Variants in TTC28 observed in about 807,000 individuals in gnomAD.
TTC28 encodes the protein tetratricopeptide repeat protein 28.
Under a neutral mutation model 198.0 loss-of-function variants are expected in TTC28, and 61 were observed. The ratio of observed to expected loss-of-function variants is 0.31; its 90% CI spans 0.25 to 0.38. The LOEUF (loss-of-function observed/expected upper bound fraction) is 0.38, where lower values mean the gene tolerates loss of function less well. Among genes scored for constraint, TTC28 ranks in the 10% least tolerant of loss-of-function variants. The pLI, the probability that TTC28 is intolerant of heterozygous loss-of-function variation, is 1.00. For synonymous variants in TTC28, 1,171 were observed against 1,297.8 expected, an observed-to-expected ratio of 0.90 and a Z score of 2.10; for missense variants, 2,678 against 3,164.0, an observed-to-expected ratio of 0.85 and a Z score of 3.69.
chr22:28,343,431 G>C (rs1489028349), intron 2 of TTC28, among the ~76,000 whole-genome samples: 1 of 151,600 alleles, frequency 6.6e-6, no homozygotes, highest in Non-Finnish European at 1.5e-5. Context: ...TTGGGAGGCT[G>C]AGACAGGAGA....
chr22:28,366,675 T>C (rs1416364904), intron 2 of TTC28, among the ~76,000 whole-genome samples: 1 of 152,030 alleles, frequency 6.6e-6, no homozygotes, highest in Non-Finnish European at 1.5e-5. Context: ...CAAGATGCAA[T>C]GATCTCTTGC....
chr22:28,290,908 C>CACAT (rs749526682), intron 5 of TTC28, among the ~76,000 whole-genome samples: 6 of 151,940 alleles, frequency 3.9e-5, no homozygotes, highest in Non-Finnish European at 8.8e-5. Context: ...TCTCAAAACA[C>CACAT]ACATACACAC....
At chr22:28,271,027 A>G (rs190625316) in intron 5 of TTC28, among the ~76,000 whole-genome samples, 19 of 152,276 alleles carry the variant, frequency 1.2e-4, no homozygotes, top group Non-Finnish European at 2.4e-4. Flanking sequence ...AGAAGCTATC[A>G]ATTTGACTGA....
intron 2 of TTC28, among the ~76,000 whole-genome samples, chr22:28,339,950 G>T (rs1381192539): frequency 6.6e-6 from 1 of 152,158 alleles, no homozygotes; most frequent in Non-Finnish European, 1.5e-5. Flanking sequence ...ACCTCAGTTG[G>T]AAATGCAGAA....
intron 5 of TTC28, among the ~76,000 whole-genome samples, chr22:28,251,068 A>C (rs1315583993): frequency 6.6e-6 from 1 of 152,230 alleles, no homozygotes; most frequent in East Asian, 1.9e-4. Flanking sequence ...CTTCTGACTC[A>C]ATGATCACAG....
intron 13 of TTC28, among the ~76,000 whole-genome samples, 192 bp downstream of exon 13, chr22:28,030,034 G>C (rs2073028): frequency 0.21 from 31,506 of 152,254 alleles, 3,839 homozygotes; most frequent in African/African-American, 0.35. Context: ...TTTCTCGCTT[G>C]AGCTGGAGAT....
intron 6 of TTC28, among the ~76,000 whole-genome samples, chr22:28,122,067 C>T (rs746650857): frequency 1.3e-5 from 2 of 152,136 alleles, no homozygotes; most frequent in East Asian, 3.9e-4. Flanking sequence ...AGGGTTTTAC[C>T]CTGTTGGCCA....
chr22:28,438,434 A>G (rs925686389), intron 2 of TTC28, among the ~76,000 whole-genome samples: 3 of 152,234 alleles, frequency 2.0e-5, no homozygotes, highest in Admixed American at 1.3e-4. Flanking sequence ...ATCATTTGAG[A>G]GCCAGATTCA....
chr22:28,373,271 T>G (rs2046363778), intron 2 of TTC28, among the ~76,000 whole-genome samples: 1 of 150,586 alleles, frequency 6.6e-6, no homozygotes, highest in African/African-American at 2.4e-5. Context: ...AAAAAAAGCC[T>G]GGAGTTTGGC....
chr22:28,052,340 C>A (rs1329545667), intron 12 of TTC28, among the ~76,000 whole-genome samples: 1 of 152,090 alleles, frequency 6.6e-6, no homozygotes, highest in African/African-American at 2.4e-5. Flanking sequence ...TCACAATGAC[C>A]CATCAAGGTA....
chr22:28,461,556 C>T (rs1259263703), intron 2 of TTC28, among the ~76,000 whole-genome samples: 1 of 152,142 alleles, frequency 6.6e-6, no homozygotes, highest in East Asian at 1.9e-4. Flanking sequence ...CCTGCCTCAG[C>T]CTCCCAAGTA....
chr22:28,628,914 AAAAAAGG>A (rs1012630286), intron 2 of TTC28, among the ~76,000 whole-genome samples: 17 of 152,222 alleles, frequency 1.1e-4, no homozygotes, highest in East Asian at 1.9e-4. Context: ...TCTCAGAAAG[AAAAAAGG>A]AAAAAGGAAA....
At chr22:28,596,872 C>T (rs769564208) in intron 2 of TTC28, among the ~76,000 whole-genome samples, 1 of 152,144 alleles carries the variant, frequency 6.6e-6, no homozygotes, top group Non-Finnish European at 1.5e-5. Context: ...TAAATCTCTT[C>T]CTCTTACCAA....
At chr22:28,433,375 C>G (rs555565224) in intron 2 of TTC28, among the ~76,000 whole-genome samples, 13 of 152,146 alleles carry the variant, frequency 8.5e-5, no homozygotes, top group African/African-American at 3.1e-4. Flanking sequence ...GGCCCTCCCC[C>G]TTAAAGTACC....
chr22:28,280,390 G>A (rs1008316550), intron 5 of TTC28, among the ~76,000 whole-genome samples: 2 of 151,838 alleles, frequency 1.3e-5, no homozygotes, highest in African/African-American at 4.8e-5. Context: ...GCAATGGCGC[G>A]ACCTCGGCTC....
chr22:28,359,836 G>A (rs1416784271), intron 2 of TTC28, among the ~76,000 whole-genome samples: 1 of 152,110 alleles, frequency 6.6e-6, no homozygotes, highest in Non-Finnish European at 1.5e-5. Context: ...AATACCATTT[G>A]GCCTGGGGAT....
intron 6 of TTC28, among the ~76,000 whole-genome samples, chr22:28,156,116 G>A (rs1375338853): frequency 1.2e-4 from 19 of 152,214 alleles, no homozygotes; most frequent in Non-Finnish European, 2.6e-4. Flanking sequence ...GCTGAATAAT[G>A]ACATCCCCTG....
At chr22:28,325,300 T>G (rs2045510898) in intron 2 of TTC28, among the ~76,000 whole-genome samples, 1 of 152,216 alleles carries the variant, frequency 6.6e-6, no homozygotes, top group African/African-American at 2.4e-5. Context: ...AAGTGTGTAT[T>G]TCTGTGGGAT....
At chr22:28,405,729 G>A (rs2046989016) in intron 2 of TTC28, among the ~76,000 whole-genome samples, 1 of 152,196 alleles carries the variant, frequency 6.6e-6, no homozygotes, top group South Asian at 2.1e-4. Flanking sequence ...AAGACTGGCT[G>A]AAACAGGGAA....
Sources: allele counts gnomAD v4.1 joint callset (sites outside exome capture counted in the v4.1 genomes callset), GRCh38; gene constraint gnomAD v4.1.1; transcripts MANE v1.5; gene names NCBI Gene and HGNC (gene_info 2026-07-23, HGNC 2026-07-21).